WLS: variants seen among roughly 807,000 people sequenced by gnomAD.
The protein encoded by WLS is protein wntless homolog.
Under a neutral mutation model 62.8 loss-of-function variants are expected in WLS, and 23 were observed. The ratio of observed to expected loss-of-function variants is 0.37; its 90% CI spans 0.26 to 0.52. The LOEUF is 0.52. Among genes scored for constraint, WLS ranks in the 20% least tolerant of loss-of-function variants. WLS has a pLI of 0.92. For missense variants in WLS, 615 were observed against 697.3 expected (o/e 0.88, Z 1.33); for synonymous variants, 246 against 244.1 (o/e 1.01, Z -0.07).
chr1:68,165,510 G>A (rs766723648), intron 2 of WLS, among the ~76,000 whole-genome samples: 40 of 152,040 alleles, frequency 2.6e-4, no homozygotes, highest in Non-Finnish European at 5.3e-4. Flanking sequence ...TCCAGGTCTG[G>A]CTTCCCAAGA....
chr1:68,165,724 C>T (rs994303533), intron 2 of WLS, among the ~76,000 whole-genome samples: 1 of 152,190 alleles, frequency 6.6e-6, no homozygotes, highest in Non-Finnish European at 1.5e-5. Context: ...TGACCAGTCA[C>T]ATTTTGGCAC....
chr1:68,115,412 C>T (rs7517997), intron 11 of WLS, among the ~76,000 whole-genome samples: 6,532 of 152,300 alleles, frequency 0.043, 177 homozygotes, highest in African/African-American at 0.074. Flanking sequence ...GAGGCAGTCC[C>T]TGGGGCCTAG....
intron 2 of WLS, chr1:68,163,070 G>T: frequency 1.3e-5 from 21 of 1,573,954 alleles, no homozygotes; most frequent in Non-Finnish European, 1.7e-5. Context: ...TCTTGACTTT[G>T]TGCTTATCCA....
At chr1:68,205,969 G>A (rs1245054295) in intron 1 of WLS, among the ~76,000 whole-genome samples, 1 of 152,272 alleles carries the variant, frequency 6.6e-6, no homozygotes, top group East Asian at 1.9e-4. Flanking sequence ...GTGGAGTGTA[G>A]CTGGTATCAG....
intron 2 of WLS, among the ~76,000 whole-genome samples, chr1:68,165,770 C>G (rs111667875): frequency 6.6e-6 from 1 of 152,190 alleles, no homozygotes; most frequent in Non-Finnish European, 1.5e-5. Context: ...TCAATTCGAA[C>G]CTGGCCATCC....
At chr1:68,144,517 A>C in intron 10 of WLS, 52 bp downstream of exon 10, 3 of 1,530,362 alleles carry the variant, frequency 2.0e-6, no homozygotes, top group Non-Finnish European at 2.7e-6. Flanking sequence ...TGTGCAGGGT[A>C]GAGGGATCTC....
In WLS at chr1:68,125,682, A is replaced by G. The variant is rs1180208929; in HGVS notation, c.*544T>C. ...ATTCAGTTATATTATGCCACAAAAC[A>G]GGGACACTTATCTATTGACAACTTA... On this transcript the variant is annotated 3_prime_UTR_variant, in exon 12 of 12. Coordinates refer to ENST00000262348, the MANE Select transcript of WLS (RefSeq NM_024911.7). 4.1e-6 allele frequency: 4 copies of G among 985,570 alleles called. No individual in the cohort carries two copies. In the East Asian group the frequency reaches 4.5e-4, roughly 112 times the overall value. 61.1% of individuals were successfully genotyped at this position (985,570 alleles called of 1,614,324 possible). A position where few individuals can be genotyped will look rare whatever the true frequency, so the allele number is the denominator to read the frequency against.
chr1:68,196,283 C>T lies in WLS; in HGVS notation c.107-2056G>A, dbSNP rs894334916. On this transcript the variant is annotated intron_variant, in intron 1 of 11. Transcript: ENST00000262348. The stretch of plus-strand genomic sequence containing the variant: ...ATCTGTTTTTAAATTTCTTGGAAAA[C>T]TTTCATTGTTTTCTTTATGTGGGTC... Among the ~76,000 whole-genome samples, 3 of 151,866 alleles carry T rather than the reference C, an allele frequency of 2.0e-5. No individual in the cohort carries two copies. In the East Asian group the frequency reaches 5.8e-4, roughly 29 times the overall value.
At chr1:68,106,187 A>C (rs1646140486) in intron 11 of WLS, among the ~76,000 whole-genome samples, 1 of 152,178 alleles carries the variant, frequency 6.6e-6, no homozygotes, top group African/African-American at 2.4e-5. Flanking sequence ...TAATATATAT[A>C]CTCTGGAGTG....
At position 68,232,470 on chromosome 1, in the gene WLS, G is replaced by C; in HGVS notation, c.-171C>G. 3 of 1,336,448 alleles carry C rather than the reference G, an allele frequency of 2.2e-6. No individual in the cohort carries two copies. The South Asian group carries it at 5.5e-5, about 25-fold the overall frequency. The allele number at this position is 1,336,448 out of a possible 1,614,324, so 82.8% of individuals were successfully genotyped here. ...GACCGGGACGGAAGGCGCCCGCACG[G>C]ATTCCCCCGGCGCAGCCGGCTCGGG... On this transcript the variant is annotated 5_prime_UTR_variant, in exon 1 of 12. It adds an upstream start codon to the 5' untranslated region. Coordinates refer to ENST00000262348, the MANE Select transcript of WLS (RefSeq NM_024911.7).
chr1:68,211,145 A>C (rs960200794), intron 1 of WLS, among the ~76,000 whole-genome samples: 3 of 152,202 alleles, frequency 2.0e-5, no homozygotes, highest in Admixed American at 6.5e-5. Flanking sequence ...GCTGTACACC[A>C]ACAATTCATT....
chr1:68,121,780 C>T (rs1272993132), downstream of WLS, among the ~76,000 whole-genome samples: 1 of 152,170 alleles, frequency 6.6e-6, no homozygotes, highest in East Asian at 1.9e-4. Context: ...GGTCACGCAG[C>T]AGAGAGAGAT....
chr1:68,127,601 T>A (rs947724298), intron 11 of WLS, among the ~76,000 whole-genome samples: 1 of 152,140 alleles, frequency 6.6e-6, no homozygotes, highest in Non-Finnish European at 1.5e-5. Flanking sequence ...TGTGCACACA[T>A]GTTTGTGGAG....
At chr1:68,183,599 A>G (rs1557503725) in intron 2 of WLS, 1 of 524,580 alleles carries the variant, frequency 1.9e-6, no homozygotes, top group Non-Finnish European at 3.9e-6. Context: ...TTCACCCATC[A>G]CCATTGTAGA....
Position 68,125,417 on chromosome 1 carries a change from T to A in WLS, c.*809A>T. The A allele has an allele frequency of 1.0e-6, 1 of 973,920 alleles. No homozygotes were observed. Among genetic ancestry groups the A allele is most frequent in the Non-Finnish European group, 1.2e-6 (1 of 824,776 alleles). 60.3% of individuals were successfully genotyped at this position (973,920 alleles called of 1,614,324 possible). On this transcript the variant is annotated 3_prime_UTR_variant, in exon 12 of 12. Transcript: ENST00000262348. ...CATATGCATATACATACAGGTTTAT[T>A]TAAATGATTGGATCTACACTTTTGG...
At chr1:68,208,738 T>G (rs1420854000) in intron 1 of WLS, among the ~76,000 whole-genome samples, 1 of 152,032 alleles carries the variant, frequency 6.6e-6, no homozygotes, top group East Asian at 1.9e-4. Context: ...GTAAGAGAGG[T>G]GCAAACACAT....
intron 11 of WLS, among the ~76,000 whole-genome samples, chr1:68,128,690 CT>C (rs1450243902): frequency 1.3e-5 from 2 of 152,192 alleles, no homozygotes; most frequent in African/African-American, 4.8e-5. Flanking sequence ...GCCTTGGCTT[CT>C]TTATTTAAAT....
intron 11 of WLS, among the ~76,000 whole-genome samples, chr1:68,137,147 C>T (rs760039542): frequency 1.3e-5 from 2 of 152,200 alleles, no homozygotes; most frequent in Non-Finnish European, 2.9e-5. Context: ...ATCTTCCCTT[C>T]TCTAGGCCTC....
chr1:68,206,922 C>G (rs1490018864), intron 1 of WLS, among the ~76,000 whole-genome samples: 1 of 152,112 alleles, frequency 6.6e-6, no homozygotes, highest in African/African-American at 2.4e-5. Flanking sequence ...CTGGCTGTCC[C>G]TATCAGGCCC....
Sources: gnomAD v4.1 joint callset for allele counts (sites outside exome capture counted in the v4.1 genomes callset) on GRCh38, gnomAD v4.1.1 for gene constraint, MANE v1.5 for transcripts, NCBI Gene and HGNC (gene_info 2026-07-23, HGNC 2026-07-21) for gene names.